The following ARAP2 variants were observed in gnomAD, a reference collection of about 807,000 sequenced individuals.
ARAP2 encodes arf-GAP with Rho-GAP domain, ANK repeat and PH domain-containing protein 2.
In ARAP2, 148 loss-of-function variants were observed where a neutral mutation model predicts 194.5. The ratio of observed to expected loss-of-function variants is 0.76; its 90% CI spans 0.67 to 0.87. The LOEUF is 0.87. Among genes scored for constraint, ARAP2 ranks in the 40% least tolerant of loss-of-function variants. ARAP2 has a pLI of 0.00. For synonymous variants in ARAP2, 695 were observed against 683.5 expected, an observed-to-expected ratio of 1.02 and a Z score of -0.26; for missense variants, 2,128 against 1,989.7, an observed-to-expected ratio of 1.07 and a Z score of -1.32.
chr4:36,015,776 A>C (rs188928564), intron 7 of ARAP2: 3 of 152,212 alleles, frequency 2.0e-5, no homozygotes, highest in African/African-American at 7.2e-5. Flanking sequence ...GAGAAGCTAC[A>C]ATATGCTCTG....
At chr4:36,213,134 T>A in intron 4 of ARAP2, 109 bp downstream of exon 4, 1 of 868,732 alleles carries the variant, frequency 1.2e-6, no homozygotes, top group Non-Finnish European at 1.8e-6. Flanking sequence ...AATTTCAATC[T>A]TCAATATAAT....
chr4:36,142,862 T>C lies in ARAP2; in HGVS notation c.3263+4434A>G, dbSNP rs28513597. 2.6e-3 allele frequency among the ~76,000 whole-genome samples: 394 copies of C among 151,886 alleles called. 2 individuals are homozygous for C. Among genetic ancestry groups the C allele is most frequent in the African/African-American group, 9.2e-3 (381 of 41,502 alleles). ...TCTTTACGCTGGCAACTCCAAAATC[T>C]GTATCTCCAATCTGTTAATCTTTTC... On this transcript the variant is annotated intron_variant, in intron 19 of 32. Coordinates refer to ENST00000303965, the MANE Select transcript of ARAP2 (RefSeq NM_015230.4).
At chr4:36,075,997 T>C (rs1728172676) in intron 31 of ARAP2, among the ~76,000 whole-genome samples, 1 of 152,178 alleles carries the variant, frequency 6.6e-6, no homozygotes, top group South Asian at 2.1e-4. Flanking sequence ...CATGTGGTGA[T>C]CTCACTGATT....
At chr4:36,008,271 A>G (rs1713733631) in intron 9 of ARAP2, among the ~76,000 whole-genome samples, 1 of 152,168 alleles carries the variant, frequency 6.6e-6, no homozygotes, top group African/African-American at 2.4e-5. Flanking sequence ...TGGAGGCATC[A>G]CATTACCTGA....
chr4:36,105,691 G>C (rs1375439446), intron 27 of ARAP2, among the ~76,000 whole-genome samples: 1 of 151,846 alleles, frequency 6.6e-6, no homozygotes, highest in East Asian at 1.9e-4. Flanking sequence ...CACCTTGTTG[G>C]GTTGTTTGCC....
intron 27 of ARAP2, among the ~76,000 whole-genome samples, chr4:36,102,541 T>G (rs1717240413): frequency 6.6e-6 from 1 of 152,000 alleles, no homozygotes; most frequent in Non-Finnish European, 1.5e-5. Context: ...AAGGATAGCA[T>G]GCACAAGAAA....
intron 8 of ARAP2, among the ~76,000 whole-genome samples, chr4:36,015,232 TTACA>T (rs1376351753): frequency 6.6e-6 from 1 of 152,204 alleles, no homozygotes; most frequent in Non-Finnish European, 1.5e-5. Flanking sequence ...TTCAAAATGC[TTACA>T]TAAATGATGA....
rs1212401994 is a variant in ARAP2, at chr4:36,067,097, C to G, written c.*810G>C. 1 of 152,242 alleles carries G rather than the reference C, an allele frequency of 6.6e-6. No individual in the cohort carries two copies. Among genetic ancestry groups the G allele is most frequent in the East Asian group, 1.9e-4 (1 of 5,196 alleles). 9.4% of individuals were successfully genotyped at this position (152,242 alleles called of 1,614,324 possible). ...GCATCCAGGCCAGGTCCTGTGTACA[C>G]AACCTCTCCAATGCAGTGTAAGTTT... On this transcript the variant is annotated 3_prime_UTR_variant, in exon 33 of 33. Coordinates refer to ENST00000303965, the MANE Select transcript of ARAP2 (RefSeq NM_015230.4).
intron 27 of ARAP2, among the ~76,000 whole-genome samples, chr4:36,103,450 G>A (rs1235480207): frequency 6.6e-6 from 1 of 151,120 alleles, no homozygotes; most frequent in Non-Finnish European, 1.5e-5. Flanking sequence ...TTGAAGTTCA[G>A]TATAATATAT....
At chr4:36,200,133 T>C (rs1433069157) in intron 6 of ARAP2, among the ~76,000 whole-genome samples, 1 of 152,248 alleles carries the variant, frequency 6.6e-6, no homozygotes, top group Admixed American at 6.5e-5. Context: ...ACTATCAACA[T>C]TCAATTAGTT....
chr4:36,223,254 AAAT>A (rs1749548389), intron 2 of ARAP2, among the ~76,000 whole-genome samples: 1 of 152,176 alleles, frequency 6.6e-6, no homozygotes, highest in Non-Finnish European at 1.5e-5. Flanking sequence ...TTAAAACCCC[AAAT>A]AATAATAAAA....
intron 1 of ARAP2, chr4:36,243,870 A>C (rs2109398760): frequency 1.3e-5 from 2 of 152,376 alleles, no homozygotes; most frequent in South Asian, 4.1e-4. Flanking sequence ...CCTGAAACTC[A>C]CTACAGCTTC....
chr4:36,196,573 C>T (rs1431213203), intron 6 of ARAP2, among the ~76,000 whole-genome samples: 2 of 152,126 alleles, frequency 1.3e-5, no homozygotes, highest in African/African-American at 2.4e-5. Context: ...ATTATTAAAT[C>T]TCTTTAACAT....
chr4:36,018,159 C>T (rs1258275856), intron 6 of ARAP2, among the ~76,000 whole-genome samples: 1 of 152,056 alleles, frequency 6.6e-6, no homozygotes, highest in Non-Finnish European at 1.5e-5. Flanking sequence ...TGAAGTGTGT[C>T]ATGTCAGGGC....
chr4:36,101,912 T>A (rs1717043045), intron 27 of ARAP2, among the ~76,000 whole-genome samples: 1 of 151,982 alleles, frequency 6.6e-6, no homozygotes, highest in Admixed American at 6.6e-5. Context: ...TTTCTTGGTT[T>A]CATGTATCAT....
chr4:36,215,326 G>T (rs1185083884), intron 2 of ARAP2, among the ~76,000 whole-genome samples: 2 of 152,144 alleles, frequency 1.3e-5, no homozygotes, highest in African/African-American at 4.8e-5. Flanking sequence ...AAGTTCCGAA[G>T]AAATGCGGTG....
chr4:36,124,975 G>T lies in ARAP2; in HGVS notation c.3641-8C>A. 1 of 1,546,900 alleles carries T rather than the reference G, an allele frequency of 6.5e-7. No individual in the cohort carries two copies. Among genetic ancestry groups the T allele is most frequent in the South Asian group, 1.2e-5 (1 of 86,772 alleles). ...CCTTGTCATCTTGCGTATCTGAAGGGGAAAAAAAAACAATCTTGAGATCTA... is the reference window on the plus strand; with the variant it reads ...CCTTGTCATCTTGCGTATCTGAAGGTGAAAAAAAAACAATCTTGAGATCTA... On this transcript the variant is annotated splice_region_variant and splice_polypyrimidine_tract_variant and intron_variant, in intron 21 of 32. Transcript: ENST00000303965.
chr4:36,107,647 C>A lies in ARAP2; in HGVS notation c.4203G>T (p.Arg1401=). ...YKENVLEQVL[R]WSSLAEPGSA... is the part of the protein sequence containing the mutation. The stretch of plus-strand genomic sequence containing the variant: ...AGCCAGGTTCAGCTAATGAACTCCA[C>A]CGAAGCACCTGCTCCAGTACATTTT... The change falls in exon 27 of 33, where the codon CGG becomes CGT. Residue 1401 remains arginine, a synonymous_variant. Coordinates refer to ENST00000303965, the MANE Select transcript of ARAP2 (RefSeq NM_015230.4). 2 of 1,610,682 alleles carry A rather than the reference C, an allele frequency of 1.2e-6. No individual in the cohort carries two copies. The highest frequency in any genetic ancestry group is 1.7e-6 in the Non-Finnish European group (2 of 1,177,974).
chr4:36,244,274 C>T lies in ARAP2; in HGVS notation c.-255G>A, dbSNP rs1002891955. ...CCCAGCCTTGGGCGCTCGGTCCTCG[C>T]CCCTCTGCCGGAGGCGCCAGGCCTC... On this transcript the variant is annotated 5_prime_UTR_variant, in exon 1 of 33. Coordinates refer to ENST00000303965, the MANE Select transcript of ARAP2 (RefSeq NM_015230.4). The T allele has an allele frequency of 6.6e-6, 1 of 151,986 alleles. No individual in the cohort carries two copies. The highest frequency in any genetic ancestry group is 1.5e-5 in the Non-Finnish European group (1 of 67,962). 9.4% of individuals were successfully genotyped at this position (151,986 alleles called of 1,614,324 possible).
Sources: gnomAD v4.1 joint callset for allele counts (sites outside exome capture counted in the v4.1 genomes callset) on GRCh38, gnomAD v4.1.1 for gene constraint, MANE v1.5 for transcripts, NCBI Gene and HGNC (gene_info 2026-07-23, HGNC 2026-07-21) for gene names.